PACRG: variants seen among roughly 807,000 people sequenced by gnomAD.
PACRG encodes the protein parkin coregulated gene protein.
PACRG carries 29 observed loss-of-function variants against 29.7 expected under a neutral mutation model. The ratio of observed to expected loss-of-function variants is 0.98; its 90% CI spans 0.73 to 1.33. The LOEUF (loss-of-function observed/expected upper bound fraction) is 1.33, where lower values mean the gene tolerates loss of function less well. Among genes scored for constraint, PACRG ranks in the 40% most tolerant of loss-of-function variants. The pLI, the probability that PACRG is intolerant of heterozygous loss-of-function variation, is 0.00. For synonymous variants in PACRG, 116 were observed against 118.7 expected (o/e 0.98, Z 0.15); for missense variants, 279 against 316.2 (o/e 0.88, Z 0.89).
chr6:162,893,747 T>C (rs3822852), intron 2 of PACRG, among the ~76,000 whole-genome samples: 74,500 of 152,080 alleles, frequency 0.49, 18,825 homozygotes, highest in Middle Eastern at 0.61. Flanking sequence ...CCGCCGTGCT[T>C]ACCCTCACCC....
chr6:162,995,601 G>A (rs935118401), intron 2 of PACRG, among the ~76,000 whole-genome samples: 33 of 152,166 alleles, frequency 2.2e-4, no homozygotes, highest in Non-Finnish European at 4.3e-4. Flanking sequence ...GCTTCGGCTC[G>A]CGCCTGGTGC....
intron 2 of PACRG, among the ~76,000 whole-genome samples, chr6:162,867,101 C>T (rs985487276): frequency 2.0e-4 from 31 of 152,164 alleles, no homozygotes; most frequent in Non-Finnish European, 2.9e-5. Flanking sequence ...TGTCCTGCTT[C>T]CACTGTGAAG....
At chr6:163,062,025 A>T in intron 2 of PACRG, 125 bp from the exon 3 acceptor site, 1 of 889,914 alleles carries the variant, frequency 1.1e-6, no homozygotes, top group Non-Finnish European at 1.7e-6. Context: ...GGGATGGGTT[A>T]AGGAAGTCTT....
intron 2 of PACRG, among the ~76,000 whole-genome samples, chr6:162,960,562 T>C (rs1800525536): frequency 6.6e-6 from 1 of 152,070 alleles, no homozygotes; most frequent in African/African-American, 2.4e-5. Flanking sequence ...ATTGAGCACA[T>C]ATGGACGTAA....
At chr6:162,827,664 T>C (rs535848392) in intron 2 of PACRG, among the ~76,000 whole-genome samples, 1 of 152,314 alleles carries the variant, frequency 6.6e-6, no homozygotes, top group East Asian at 1.9e-4. Context: ...CATCACTTGA[T>C]GTCTTGTACT....
At chr6:163,100,899 C>T (rs1364092050) in intron 4 of PACRG, 5 of 984,432 alleles carry the variant, frequency 5.1e-6, no homozygotes, top group Non-Finnish European at 6.0e-6. Context: ...ATTATATTCT[C>T]ATGTACATCT....
At chr6:163,305,454 G>A (rs1050252947) in intron 4 of PACRG, among the ~76,000 whole-genome samples, 13 of 152,228 alleles carry the variant, frequency 8.5e-5, no homozygotes, top group Admixed American at 5.2e-4. Context: ...TAGCAATGAC[G>A]TCCCTGGGCA....
intron 2 of PACRG, among the ~76,000 whole-genome samples, chr6:162,921,887 G>A (rs1797090568): frequency 6.6e-6 from 1 of 152,120 alleles, no homozygotes; most frequent in Middle Eastern, 3.2e-3. Context: ...GAAAGATGAG[G>A]CAGAGCGGAC....
intron 4 of PACRG, among the ~76,000 whole-genome samples, chr6:163,109,804 G>A (rs2128318750): frequency 6.6e-6 from 1 of 152,316 alleles, no homozygotes; most frequent in South Asian, 2.1e-4. Flanking sequence ...GAATTTACAT[G>A]ATGACTCTTT....
At chr6:162,826,423 C>G (rs905753197) in intron 2 of PACRG, among the ~76,000 whole-genome samples, 3 of 150,706 alleles carry the variant, frequency 2.0e-5, no homozygotes, top group African/African-American at 7.3e-5. Context: ...ACATTTTGTT[C>G]CTATTTCAGT....
intron 4 of PACRG, among the ~76,000 whole-genome samples, chr6:163,135,920 C>T (rs1303622325): frequency 1.3e-5 from 2 of 152,236 alleles, no homozygotes; most frequent in Non-Finnish European, 2.9e-5. Context: ...AATCAAGTTT[C>T]TTTTCTAAAA....
rs114993196 is a variant in PACRG at position 163,301,377 on chromosome 6, C to T, written c.614-13450C>T. On this transcript the variant is annotated intron_variant, in intron 4 of 4. Transcript: ENST00000366888. ...GAACTATATCTGAAGGAAAACGGAACGATTAAGTGTAAGCTTAAGCTATAA... is the reference window on the plus strand; with the variant it reads ...GAACTATATCTGAAGGAAAACGGAATGATTAAGTGTAAGCTTAAGCTATAA... Among the ~76,000 whole-genome samples the T allele has an allele frequency of 1.2e-4, 19 of 152,292 alleles. No homozygotes were observed. In the South Asian group the frequency reaches 2.7e-3, roughly 22 times the overall value.
rs115096734 is a variant in PACRG at position 162,988,313 on chromosome 6, A to G, written c.292-73837A>G. On this transcript the variant is annotated intron_variant, in intron 2 of 4. Transcript: ENST00000366888. The stretch of plus-strand genomic sequence containing the variant: ...GGGATTGGAGCAGAGATTTAACTGA[A>G]TAAAGAGGAGAAGGGTCAATCGAGG... Among the ~76,000 whole-genome samples the G allele has an allele frequency of 7.1e-3, 1,077 of 152,258 alleles. 15 individuals are homozygous for G. The highest frequency in any genetic ancestry group is 0.024 in the African/African-American group (1,014 of 41,554).
intron 2 of PACRG, among the ~76,000 whole-genome samples, chr6:163,049,473 T>G (rs1809759447): frequency 6.6e-6 from 1 of 152,070 alleles, no homozygotes; most frequent in African/African-American, 2.4e-5. Flanking sequence ...CCAATGAGAC[T>G]CAAAAATCAG....
intron 2 of PACRG, among the ~76,000 whole-genome samples, chr6:162,983,592 C>G (rs1159460387): frequency 6.6e-6 from 1 of 151,918 alleles, no homozygotes. Context: ...ATACGATATT[C>G]TTGGCTGATA....
At chr6:162,970,326 G>A (rs1407814759) in intron 2 of PACRG, among the ~76,000 whole-genome samples, 1 of 152,132 alleles carries the variant, frequency 6.6e-6, no homozygotes, top group Non-Finnish European at 1.5e-5. Context: ...GAGGGTGTCT[G>A]GGGAGCGCAT....
At chr6:162,729,541 A>C (rs1435378672) in intron 1 of PACRG, among the ~76,000 whole-genome samples, 2 of 152,148 alleles carry the variant, frequency 1.3e-5, no homozygotes, top group African/African-American at 4.8e-5. Flanking sequence ...AAATGGACTA[A>C]AATTCTGCTT....
intron 1 of PACRG, among the ~76,000 whole-genome samples, chr6:162,811,550 G>A (rs772655286): frequency 4.0e-5 from 6 of 151,806 alleles, no homozygotes; most frequent in South Asian, 2.1e-4. Context: ...ATTGACTGAC[G>A]CAGAAAAAAA....
chr6:162,871,705 T>G (rs1456403227), intron 2 of PACRG, among the ~76,000 whole-genome samples: 1 of 151,996 alleles, frequency 6.6e-6, no homozygotes, highest in Non-Finnish European at 1.5e-5. Context: ...GATCACGAGG[T>G]CAGGAAATCG....
Sources: allele counts gnomAD v4.1 joint callset (sites outside exome capture counted in the v4.1 genomes callset), GRCh38; gene constraint gnomAD v4.1.1; transcripts MANE v1.5; gene names NCBI Gene and HGNC (gene_info 2026-07-23, HGNC 2026-07-21).